NCOA2: variants seen among roughly 807,000 people sequenced by gnomAD.
NCOA2 encodes class E basic helix-loop-helix protein 75.
In NCOA2, 21 loss-of-function variants were observed where a neutral mutation model predicts 145.1. The ratio of observed to expected loss-of-function variants is 0.14; its 90% confidence interval spans 0.10 to 0.21. The LOEUF (loss-of-function observed/expected upper bound fraction) is 0.21. Among genes scored for constraint, NCOA2 ranks in the 10% least tolerant of loss-of-function variants. The probability of loss-of-function intolerance (pLI) is 1.00; values close to 1 mark genes in which losing one functional copy is unlikely to be tolerated. For synonymous variants in NCOA2, 619 were observed against 637.5 expected (o/e 0.97, Z 0.44); for missense variants, 1,472 against 1,837.6 (o/e 0.80, Z 3.64).
At chr8:70,335,717 A>G (rs1249198437) in intron 1 of NCOA2, among the ~76,000 whole-genome samples, 1 of 152,186 alleles carries the variant, frequency 6.6e-6, no homozygotes, top group African/African-American at 2.4e-5. Context: ...AATTAATGAT[A>G]GGGATACCTT....
chr8:70,435,258 T>C, the NCOA2 span, among the ~76,000 whole-genome samples: 1 of 149,940 alleles, frequency 6.7e-6, no homozygotes. Flanking sequence ...ACCCCGTCTC[T>C]ACTAAAAATA....
chr8:70,175,296 C>T (rs1399603258), intron 4 of NCOA2, among the ~76,000 whole-genome samples: 2 of 152,248 alleles, frequency 1.3e-5, no homozygotes, highest in Non-Finnish European at 2.9e-5. Context: ...GACTCCTAAA[C>T]TGCTATGGCT....
chr8:70,407,165 T>G (rs1262059687), upstream of NCOA2, among the ~76,000 whole-genome samples: 1 of 152,234 alleles, frequency 6.6e-6, no homozygotes, highest in Non-Finnish European at 1.5e-5. Context: ...AATGTAATCA[T>G]AGGGTGGGGG....
chr8:70,303,841 A>G (rs1332940078), intron 1 of NCOA2, among the ~76,000 whole-genome samples: 1 of 152,134 alleles, frequency 6.6e-6, no homozygotes, highest in African/African-American at 2.4e-5. Context: ...TCTTAAACAG[A>G]GGTAAAAGGC....
At chr8:70,212,066 C>CATATATATATATATATATATAT (rs36215324) in intron 4 of NCOA2, among the ~76,000 whole-genome samples, 8 of 144,336 alleles carry the variant, frequency 5.5e-5, no homozygotes, top group African/African-American at 1.5e-4. Flanking sequence ...CTTTGTGGCG[C>CATATATATATATATATATATAT]ATATATATAT....
chr8:70,114,339 T>C (rs1436448864), intron 22 of NCOA2, among the ~76,000 whole-genome samples: 1 of 152,144 alleles, frequency 6.6e-6, no homozygotes, highest in African/African-American at 2.4e-5. Flanking sequence ...TGGGGTGTTC[T>C]TGCTGGTTTT....
chr8:70,188,819 A>G (rs1816358362), intron 4 of NCOA2, among the ~76,000 whole-genome samples: 1 of 152,224 alleles, frequency 6.6e-6, no homozygotes, highest in East Asian at 1.9e-4. Flanking sequence ...AGTATATTTT[A>G]TTAAAATTAT....
At chr8:70,347,692 A>G (rs12680132) in intron 1 of NCOA2, among the ~76,000 whole-genome samples, 56,435 of 151,802 alleles carry the variant, frequency 0.37, 12,785 homozygotes, top group East Asian at 0.7. Flanking sequence ...ACAAGTGTAG[A>G]GGTAGATATA....
chr8:70,449,729 C>T, the NCOA2 span, among the ~76,000 whole-genome samples: 1,416 of 152,366 alleles, frequency 9.3e-3, 10 homozygotes, highest in Admixed American at 0.019. Flanking sequence ...AGGCAGAGAG[C>T]AGAGTGAACA....
the NCOA2 span, among the ~76,000 whole-genome samples, chr8:70,419,674 C>T: frequency 6.6e-6 from 1 of 152,072 alleles, no homozygotes; most frequent in African/African-American, 2.4e-5. Context: ...AACTCTTTAA[C>T]TCTCCTTTCC....
At chr8:70,450,039 C>T in the NCOA2 span, among the ~76,000 whole-genome samples, 1 of 152,064 alleles carries the variant, frequency 6.6e-6, no homozygotes, top group African/African-American at 2.4e-5. Flanking sequence ...TCTCCTTGCT[C>T]TAATGGGGTG....
At chr8:70,390,017 TA>T (rs1410654549) in intron 1 of NCOA2, among the ~76,000 whole-genome samples, 1 of 152,242 alleles carries the variant, frequency 6.6e-6, no homozygotes, top group Admixed American at 6.5e-5. Flanking sequence ...AGTCACATAT[TA>T]TTTCAAGTTC....
At chr8:70,182,720 C>A (rs1815630581) in intron 4 of NCOA2, among the ~76,000 whole-genome samples, 1 of 152,154 alleles carries the variant, frequency 6.6e-6, no homozygotes, top group African/African-American at 2.4e-5. Context: ...GAAAATCTTT[C>A]ATGATAAGCC....
intron 4 of NCOA2, among the ~76,000 whole-genome samples, chr8:70,179,341 T>C (rs1476505351): frequency 6.6e-6 from 1 of 152,180 alleles, no homozygotes; most frequent in Non-Finnish European, 1.5e-5. Flanking sequence ...CCTAAATTTA[T>C]GTTATTTGGG....
At chr8:70,237,494 G>A (rs1026955402) in intron 2 of NCOA2, among the ~76,000 whole-genome samples, 6 of 151,504 alleles carry the variant, frequency 4.0e-5, no homozygotes, top group Non-Finnish European at 5.9e-5. Flanking sequence ...CAGGTGCAAT[G>A]GCTCATGCCT....
At chr8:70,313,250 TA>T (rs1334088007) in intron 1 of NCOA2, among the ~76,000 whole-genome samples, 1 of 152,218 alleles carries the variant, frequency 6.6e-6, no homozygotes, top group African/African-American at 2.4e-5. Context: ...TTTATAACAC[TA>T]GATATATCTA....
At chr8:70,382,126 C>T (rs1031114730) in intron 1 of NCOA2, among the ~76,000 whole-genome samples, 2 of 151,898 alleles carry the variant, frequency 1.3e-5, no homozygotes, top group African/African-American at 4.8e-5. Flanking sequence ...ACAGAAAAAG[C>T]CAGAATATAA....
At chr8:70,170,062 TA>T in intron 6 of NCOA2, 139 bp downstream of exon 6, 2 of 794,866 alleles carry the variant, frequency 2.5e-6, no homozygotes, top group Non-Finnish European at 3.9e-6. Context: ...CAAGCATCTG[TA>T]AAAAACTACC....
intron 11 of NCOA2, among the ~76,000 whole-genome samples, chr8:70,155,293 AAGTTT>A (rs1812156734): frequency 6.6e-6 from 1 of 152,180 alleles, no homozygotes; most frequent in Non-Finnish European, 1.5e-5. Flanking sequence ...CATTAATCAG[AAGTTT>A]AGTTAAGAAT....
Sources: gnomAD v4.1 joint callset for allele counts (sites outside exome capture counted in the v4.1 genomes callset) on GRCh38, gnomAD v4.1.1 for gene constraint, MANE v1.5 for transcripts, NCBI Gene and HGNC (gene_info 2026-07-23, HGNC 2026-07-21) for gene names.